Variants in FAM107A observed in about 807,000 individuals in gnomAD.
The protein encoded by FAM107A is family with sequence similarity 107 member A.
In FAM107A, 19 loss-of-function variants were observed where a neutral mutation model predicts 13.7. The observed-to-expected ratio is 1.38, with a 90% confidence interval of 0.97 to 2.03. The LOEUF (loss-of-function observed/expected upper bound fraction) is 2.03. FAM107A is among the 30% of genes most tolerant of loss of function. The pLI is 0.00. For synonymous variants in FAM107A, 82 were observed against 74.5 expected (o/e 1.10, Z -0.52); for missense variants, 203 against 184.4 (o/e 1.10, Z -0.58).
intron 1 of FAM107A, among the ~76,000 whole-genome samples, chr3:58,614,694 AG>A (rs2065885496): frequency 6.6e-6 from 1 of 151,756 alleles, no homozygotes; most frequent in African/African-American, 2.4e-5. Flanking sequence ...TAGTAGAGAC[AG>A]GGTTTTGCCA....
At chr3:58,619,696 G>T (rs2065935508) in intron 1 of FAM107A, among the ~76,000 whole-genome samples, 1 of 152,188 alleles carries the variant, frequency 6.6e-6, no homozygotes, top group Non-Finnish European at 1.5e-5. Flanking sequence ...CTCCCATGGG[G>T]CTGTGCACCC....
At chr3:58,612,450 C>A (rs2065863628) in intron 1 of FAM107A, among the ~76,000 whole-genome samples, 1 of 151,960 alleles carries the variant, frequency 6.6e-6, no homozygotes, top group Non-Finnish European at 1.5e-5. Context: ...CCTGGAGGCA[C>A]ATACCTATAG....
chr3:58,598,344 G>T lies in FAM107A; in HGVS notation c.-69-9075C>A, dbSNP rs534608548. Among the ~76,000 whole-genome samples, 7 of 152,332 alleles carry T rather than the reference G, an allele frequency of 4.6e-5. No homozygotes were observed. In the Middle Eastern group the frequency reaches 0.014, roughly 296 times the overall value. On this transcript the variant is annotated intron_variant, in intron 1 of 3. Transcript: ENST00000465970. ...TGGGTGTTGAGTTCTCAGCCGAGGT[G>T]CAGTAATGAGGGCACTGTTTTCTAT...
intron 1 of FAM107A, among the ~76,000 whole-genome samples, chr3:58,592,591 G>A (rs1329682191): frequency 6.6e-6 from 1 of 152,026 alleles, no homozygotes; most frequent in Non-Finnish European, 1.5e-5. Context: ...ATAACGGACC[G>A]GCCTTTATTA....
At chr3:58,588,753 G>A (rs1184453888), upstream of FAM107A, among the ~76,000 whole-genome samples, 1 of 152,008 alleles carries the variant, frequency 6.6e-6, no homozygotes, top group Non-Finnish European at 1.5e-5. Context: ...TCCACCTCCT[G>A]GGTTCAAGCA....
chr3:58,569,117 C>T lies in FAM107A; in HGVS notation c.170+574G>A, dbSNP rs1038577147. 6.6e-6 allele frequency among the ~76,000 whole-genome samples: 1 copy of T among 152,218 alleles called. No homozygotes were observed. The highest frequency in any genetic ancestry group is 1.9e-4 in the East Asian group (1 of 5,190). On this transcript the variant is annotated intron_variant, in intron 2 of 3. Transcript: ENST00000360997. This position sits in a 1 kb window ranked among gnomAD's most constrained non-coding sequence, Gnocchi z 5.7. The stretch of plus-strand genomic sequence containing the variant: ...GGCCTGCACCACGCAATCGATGCCC[C>T]AGGCACAGTGAGTGACTCCTGTTTC...
At chr3:58,583,838 G>A (rs557536340) in intron 1 of FAM107A, among the ~76,000 whole-genome samples, 1 of 152,044 alleles carries the variant, frequency 6.6e-6, no homozygotes, top group African/African-American at 2.4e-5. Flanking sequence ...GCACCACCAT[G>A]CTGGGCTAAT....
At chr3:58,622,894 G>A (rs1384757523) in intron 1 of FAM107A, among the ~76,000 whole-genome samples, 1 of 152,188 alleles carries the variant, frequency 6.6e-6, no homozygotes, top group Non-Finnish European at 1.5e-5. Context: ...CCCAGCTGTG[G>A]AGTCCCAATG....
chr3:58,611,276 A>T (rs944881736), intron 1 of FAM107A, among the ~76,000 whole-genome samples: 1 of 144,574 alleles, frequency 6.9e-6, no homozygotes, highest in African/African-American at 2.6e-5. Context: ...AGGCCCTGCC[A>T]GGGGCCCCCA....
At chr3:58,570,849 T>C (rs532543055) in intron 1 of FAM107A, among the ~76,000 whole-genome samples, 2 of 152,374 alleles carry the variant, frequency 1.3e-5, no homozygotes, top group Admixed American at 1.3e-4. Flanking sequence ...CATTTGTTGG[T>C]AATTGCCAAT....
rs944597848 is a variant in FAM107A, at chr3:58,597,165, C to T, written c.-69-7896G>A. Among the ~76,000 whole-genome samples, 4 of 152,192 alleles carry T rather than the reference C, an allele frequency of 2.6e-5. No homozygotes were observed. The East Asian group carries it at 5.8e-4, about 22-fold the overall frequency. ...CCTAAAGCTGCTATGAACAACTTTC[C>T]ATGAATTTTTGGGTCAAAATGAGTG... On this transcript the variant is annotated intron_variant, in intron 1 of 3. Transcript: ENST00000465970.
chr3:58,585,452 T>G (rs1012954059), intron 1 of FAM107A, among the ~76,000 whole-genome samples: 23 of 152,234 alleles, frequency 1.5e-4, no homozygotes, highest in Non-Finnish European at 5.9e-5. Context: ...TGGAGAACTG[T>G]GGTTCCAGTA....
upstream of FAM107A, chr3:58,589,201 C>T (rs1034439502): frequency 1.3e-6 from 2 of 1,529,044 alleles, no homozygotes; most frequent in East Asian, 2.4e-5. Flanking sequence ...GCGGGTCTGA[C>T]TTACCTGAGC....
chr3:58,591,146 T>C (rs1232118816), upstream of FAM107A, among the ~76,000 whole-genome samples: 2 of 152,006 alleles, frequency 1.3e-5, no homozygotes, highest in Non-Finnish European at 2.9e-5. This position sits in a 1 kb window ranked among gnomAD's most constrained non-coding sequence, Gnocchi z 4.3. Flanking sequence ...ACAGTAAGCA[T>C]GATGAATAAG....
At chr3:58,611,498 G>A (rs576949012) in intron 1 of FAM107A, among the ~76,000 whole-genome samples, 27 of 152,330 alleles carry the variant, frequency 1.8e-4, no homozygotes, top group Admixed American at 1.4e-3. Flanking sequence ...CGCATCATCT[G>A]TTTATGGGCA....
intron 1 of FAM107A, among the ~76,000 whole-genome samples, chr3:58,596,536 G>A (rs1048820895): frequency 2.6e-5 from 4 of 152,014 alleles, no homozygotes; most frequent in South Asian, 2.1e-4. Context: ...AAAATTAGCC[G>A]GACCTGGTGA....
At chr3:58,568,448 GA>G (rs1487662672) in intron 2 of FAM107A, among the ~76,000 whole-genome samples, 1 of 150,430 alleles carries the variant, frequency 6.6e-6, no homozygotes, top group Non-Finnish European at 1.5e-5. Flanking sequence ...CAAAAAAAAA[GA>G]AAAAAAGAAA....
upstream of FAM107A, among the ~76,000 whole-genome samples, chr3:58,588,468 A>C (rs1037208504): frequency 2.6e-5 from 4 of 152,220 alleles, no homozygotes; most frequent in African/African-American, 9.6e-5. Flanking sequence ...CTGAAAGCCC[A>C]TCTGCCACAC....
rs1177567341 is a variant in FAM107A, at chr3:58,569,221, C to T, written c.170+470G>A. 6.6e-6 allele frequency among the ~76,000 whole-genome samples: 1 copy of T among 152,210 alleles called. No homozygotes were observed. The highest frequency in any genetic ancestry group is 2.4e-5 in the African/African-American group (1 of 41,456). ...GGCTAACTCCAGTCCCCCTTCAGGT[C>T]ATAGCTGAGGCAGCACCGCTCCTGT... is the stretch of plus-strand genomic sequence containing the variant. On this transcript the variant is annotated intron_variant, in intron 2 of 3. Coordinates refer to ENST00000360997, the MANE Select transcript of FAM107A (RefSeq NM_001076778.3). This position sits in a 1 kb window ranked among gnomAD's most constrained non-coding sequence, Gnocchi z 5.7.
Sources: gnomAD v4.1 joint callset for allele counts (sites outside exome capture counted in the v4.1 genomes callset) on GRCh38, gnomAD v4.1.1 for gene constraint, Gnocchi (gnomAD v3.1) non-coding constraint, MANE v1.5 for transcripts, NCBI Gene and HGNC (gene_info 2026-07-23, HGNC 2026-07-21) for gene names.